Variants in HCN1 observed in about 807,000 individuals in gnomAD.
The protein encoded by HCN1 is hyperpolarization activated cyclic nucleotide gated potassium channel 1.
HCN1 carries 13 observed loss-of-function variants against 78.9 expected under a neutral mutation model. That is an observed-to-expected ratio of 0.16 (90% CI 0.11 to 0.26). The LOEUF is 0.26. Among genes scored for constraint, HCN1 ranks in the 10% least tolerant of loss-of-function variants. The probability of loss-of-function intolerance (pLI) is 1.00; values close to 1 mark genes in which losing one functional copy is unlikely to be tolerated. For missense variants in HCN1, 810 were observed against 1,154.3 expected, an observed-to-expected ratio of 0.70 and a Z score of 4.32; for synonymous variants, 552 against 455.5, an observed-to-expected ratio of 1.21 and a Z score of -2.70.
chr5:45,374,170 A>T (rs1243741266), intron 4 of HCN1, among the ~76,000 whole-genome samples: 8 of 115,150 alleles, frequency 6.9e-5, no homozygotes, highest in East Asian at 2.2e-4. Flanking sequence ...TTATATACAT[A>T]ATATATATTA....
chr5:45,417,350 C>G (rs377350958), intron 3 of HCN1, among the ~76,000 whole-genome samples: 88 of 151,872 alleles, frequency 5.8e-4, no homozygotes, highest in African/African-American at 2.0e-3. Context: ...ATTGCAGAAG[C>G]CATTTTTCAT....
intron 4 of HCN1, among the ~76,000 whole-genome samples, chr5:45,376,706 G>A (rs935613783): frequency 2.6e-5 from 4 of 151,832 alleles, no homozygotes; most frequent in African/African-American, 9.7e-5. Context: ...GAGGTTCACT[G>A]GCAGGAAATA....
intron 3 of HCN1, among the ~76,000 whole-genome samples, chr5:45,454,791 G>A (rs2111608340): frequency 6.6e-6 from 1 of 152,148 alleles, no homozygotes; most frequent in South Asian, 2.1e-4. Context: ...AATGGCAATA[G>A]ATAAAATAAT....
At chr5:45,362,899 C>A (rs1371060922) in intron 4 of HCN1, among the ~76,000 whole-genome samples, 4 of 151,706 alleles carry the variant, frequency 2.6e-5, no homozygotes, top group African/African-American at 7.3e-5. Context: ...CCTTTCTCAA[C>A]CAGTTTCTTG....
Position 45,539,919 on chromosome 5 carries a change from GATATATATATATATATATATAT to G in HCN1, c.850-77934_850-77913del, listed in dbSNP as rs66934051. On this transcript the variant is annotated intron_variant, in intron 2 of 7. Transcript: ENST00000303230. ...GAAATCCCATTGTTTTAAATTGTGAGATATATATATATATATATATATATATATATATATATATATAAAATGT... is the reference window on the plus strand; with the variant it reads ...GAAATCCCATTGTTTTAAATTGTGAGATATATATATATATATATAAAATGT... 2.0e-3 allele frequency among the ~76,000 whole-genome samples: 257 copies of G among 126,090 alleles called. 3 individuals carry two copies. The highest frequency in any genetic ancestry group is 8.1e-3 in the African/African-American group (243 of 29,960). The allele number at this position is 126,090 out of a possible 152,430, so 82.7% of individuals were successfully genotyped here. A position where few individuals can be genotyped will look rare whatever the true frequency, so the allele number is the denominator to read the frequency against.
intron 2 of HCN1, among the ~76,000 whole-genome samples, chr5:45,624,420 A>T (rs1745124061): frequency 6.6e-6 from 1 of 152,190 alleles, no homozygotes; most frequent in Non-Finnish European, 1.5e-5. Flanking sequence ...AAGAGTAGTT[A>T]AGTAATCAGT....
intron 3 of HCN1, among the ~76,000 whole-genome samples, chr5:45,441,562 G>A (rs899290605): frequency 6.6e-6 from 1 of 152,186 alleles, no homozygotes; most frequent in Non-Finnish European, 1.5e-5. Context: ...ATCTTTTTCA[G>A]TCCAGCCTGG....
At chr5:45,692,759 G>A (rs1739938469) in intron 1 of HCN1, among the ~76,000 whole-genome samples, 1 of 152,106 alleles carries the variant, frequency 6.6e-6, no homozygotes, top group African/African-American at 2.4e-5. Context: ...GCACAGCCTT[G>A]TCCCTTGAGG....
intron 4 of HCN1, among the ~76,000 whole-genome samples, chr5:45,360,703 C>T (rs1183282968): frequency 1.3e-5 from 2 of 151,858 alleles, no homozygotes; most frequent in East Asian, 3.9e-4. Flanking sequence ...ATAGTCTTTA[C>T]ATAGTAAGTC....
chr5:45,493,105 C>T (rs1741926161), intron 2 of HCN1, among the ~76,000 whole-genome samples: 1 of 151,910 alleles, frequency 6.6e-6, no homozygotes, highest in African/African-American at 2.4e-5. Flanking sequence ...CTAGGCACAC[C>T]TTATAAATAT....
At chr5:45,665,426 T>A (rs1273166524) in intron 1 of HCN1, among the ~76,000 whole-genome samples, 1 of 151,980 alleles carries the variant, frequency 6.6e-6, no homozygotes, top group Non-Finnish European at 1.5e-5. Flanking sequence ...TGTGCACATG[T>A]ACCCTAAAAC....
intron 5 of HCN1, among the ~76,000 whole-genome samples, chr5:45,330,326 A>T (rs956871510): frequency 1.3e-5 from 2 of 151,206 alleles, no homozygotes; most frequent in Non-Finnish European, 3.0e-5. Flanking sequence ...AAATACAAGG[A>T]AGGAAATTGT....
chr5:45,486,027 C>T (rs1281747832), intron 2 of HCN1, among the ~76,000 whole-genome samples: 4 of 152,130 alleles, frequency 2.6e-5, no homozygotes, highest in Admixed American at 2.6e-4. Flanking sequence ...GAAAATGAGG[C>T]TTACAGAATT....
At chr5:45,450,178 G>T (rs2111595492) in intron 3 of HCN1, among the ~76,000 whole-genome samples, 1 of 152,294 alleles carries the variant, frequency 6.6e-6, no homozygotes, top group East Asian at 1.9e-4. Flanking sequence ...TGCCTCAAGA[G>T]AGGTTTTGAT....
intron 6 of HCN1, among the ~76,000 whole-genome samples, chr5:45,300,980 T>C (rs1416962768): frequency 6.6e-6 from 1 of 152,058 alleles, no homozygotes; most frequent in Non-Finnish European, 1.5e-5. Context: ...AAATTTTCCT[T>C]AATTGGTGAG....
At chr5:45,639,764 G>A (rs2112023900) in intron 2 of HCN1, among the ~76,000 whole-genome samples, 1 of 152,210 alleles carries the variant, frequency 6.6e-6, no homozygotes, top group Non-Finnish European at 1.5e-5. Flanking sequence ...AAAAATGCGA[G>A]GAAGTGATAA....
At chr5:45,489,782 A>T (rs755596052) in intron 2 of HCN1, among the ~76,000 whole-genome samples, 1 of 152,166 alleles carries the variant, frequency 6.6e-6, no homozygotes, top group Non-Finnish European at 1.5e-5. Context: ...AACTTTAGAG[A>T]CAGCCAGTGA....
At chr5:45,317,035 G>C (rs1472264588) in intron 5 of HCN1, among the ~76,000 whole-genome samples, 2 of 152,042 alleles carry the variant, frequency 1.3e-5, no homozygotes, top group Non-Finnish European at 2.9e-5. Flanking sequence ...AGCTACCAAT[G>C]ACTTTCTTCA....
chr5:45,639,439 C>T (rs1380145583), intron 2 of HCN1, among the ~76,000 whole-genome samples: 13 of 152,116 alleles, frequency 8.5e-5, no homozygotes. Flanking sequence ...ATTTGAACTT[C>T]ACAACTGTTT....
Sources: allele counts gnomAD v4.1 joint callset (sites outside exome capture counted in the v4.1 genomes callset), GRCh38; gene constraint gnomAD v4.1.1; transcripts MANE v1.5; gene names NCBI Gene and HGNC (gene_info 2026-07-23, HGNC 2026-07-21).